TRIM48: variants seen among roughly 807,000 people sequenced by gnomAD.
The protein encoded by TRIM48 is tripartite motif containing 48, also known as E3 ubiquitin-protein ligase TRIM48.
TRIM48 carries 31 observed loss-of-function variants against 29.5 expected under a neutral mutation model. The observed-to-expected ratio is 1.05, with a 90% CI of 0.79 to 1.42. TRIM48 has a LOEUF of 1.42. Ranked by LOEUF, TRIM48 falls within the 40% of genes most tolerant of loss-of-function variation. TRIM48 has a pLI of 0.00. For synonymous variants in TRIM48, 128 were observed against 90.6 expected (o/e 1.41, Z -2.34); for missense variants, 344 against 265.0 (o/e 1.30, Z -2.07).
Position 55,269,617 on chromosome 11 carries a change from G to A in TRIM48, c.*1+278G>A, listed in dbSNP as rs187108270. The stretch of plus-strand genomic sequence containing the variant: ...TAGCAAATCTAAAAAAGGAGCAAAT[G>A]GAACAATGCTCAGAATGAAGGTGAG... On this transcript the variant is annotated intron_variant, in intron 5 of 5. Coordinates refer to ENST00000417545, the MANE Select transcript of TRIM48 (RefSeq NM_024114.5). Among the ~76,000 whole-genome samples the A allele has an allele frequency of 1.4e-3, 211 of 147,372 alleles. 21 individuals carry two copies. The highest frequency in any genetic ancestry group is 4.2e-3 in the African/African-American group (171 of 40,340).
At chr11:55,268,109 G>A (rs567813722) in intron 3 of TRIM48, among the ~76,000 whole-genome samples, 1 of 147,624 alleles carries the variant, frequency 6.8e-6, no homozygotes, top group East Asian at 2.2e-4. Flanking sequence ...TAGACTCTCT[G>A]GGCTTCTTCT....
Position 55,270,455 on chromosome 11 carries a change from A to G in TRIM48, c.*20A>G. 1.3e-6 allele frequency: 2 copies of G among 1,524,886 alleles called. No homozygotes were observed. Among genetic ancestry groups the G allele is most frequent in the East Asian group, 2.5e-5 (1 of 39,986 alleles). 94.5% of individuals were successfully genotyped at this position (1,524,886 alleles called of 1,614,324 possible). A position where few individuals can be genotyped will look rare whatever the true frequency, so the allele number is the denominator to read the frequency against. ...TTTGCAGTGGATATTACTCTGCATC[A>G]CAATGAAGCCAACAGTCATATCTTC... On this transcript the variant is annotated 3_prime_UTR_variant, in exon 6 of 6. Coordinates refer to ENST00000417545, the MANE Select transcript of TRIM48 (RefSeq NM_024114.5).
At chr11:55,265,743 A>T (rs780869728) in intron 3 of TRIM48, 48 bp downstream of exon 3, 1 of 1,524,948 alleles carries the variant, frequency 6.6e-7, no homozygotes, top group Non-Finnish European at 8.9e-7. Flanking sequence ...TGGTGGGCAA[A>T]TGGGTGACTC....
chr11:55,265,534 C>G, intron 2 of TRIM48, 66 bp from the exon 3 acceptor site: 1 of 1,540,376 alleles, frequency 6.5e-7, no homozygotes, highest in Admixed American at 1.8e-5. Flanking sequence ...GGCCCCCTCC[C>G]AATGAAACGG....
intron 1 of TRIM48, among the ~76,000 whole-genome samples, chr11:55,263,360 A>G (rs1166629715): frequency 6.6e-6 from 1 of 152,106 alleles, no homozygotes; most frequent in East Asian, 1.9e-4. Context: ...TCAAAACAAT[A>G]AAACAATAAA....
chr11:55,262,233 T>A lies in TRIM48; in HGVS notation c.-35T>A, dbSNP rs767664484. ...CTCTGAAACTCAGTACTGCAGCGAA[T>A]GAGCTCCTGACCTTGAGGAGTACTT... On this transcript the variant is annotated 5_prime_UTR_variant, in exon 1 of 6. The change abolishes an upstream ATG in the 5' untranslated region. Transcript: ENST00000417545. The A allele has an allele frequency of 2.0e-6, 3 of 1,535,200 alleles. No individual in the cohort carries two copies. Among genetic ancestry groups the A allele is most frequent in the Non-Finnish European group, 2.6e-6 (3 of 1,134,106 alleles).
At position 55,270,705 on chromosome 11, in the gene TRIM48, A is replaced by G; in HGVS notation, c.*270A>G. Reference sequence around the variant, plus strand: ...ATGGCAATATATATGGAGAGGAGGGACTCTTTAGTCTTGGGTGTGTTAAGA... The same window carrying G: ...ATGGCAATATATATGGAGAGGAGGGGCTCTTTAGTCTTGGGTGTGTTAAGA... On this transcript the variant is annotated 3_prime_UTR_variant, in exon 6 of 6. Coordinates refer to ENST00000417545, the MANE Select transcript of TRIM48 (RefSeq NM_024114.5). The G allele has an allele frequency of 6.4e-7, 1 of 1,567,042 alleles. No individual in the cohort carries two copies. Among genetic ancestry groups the G allele is most frequent in the Non-Finnish European group, 8.7e-7 (1 of 1,152,016 alleles).
chr11:55,269,327 A>C lies in TRIM48; in HGVS notation c.664A>C (p.Asn222His). The change falls in exon 5 of 6, where the codon AAC becomes CAC. Residue 222 changes from asparagine to histidine, a missense_variant. Transcript: ENST00000417545. The stretch of plus-strand genomic sequence containing the variant: ...CATCACTGGACTGAGGGACAGGCTC[A>C]ACCAATTCTGAGGTAAGTCTCCACC... ...GPITGLRDRL[N>H]QF 1 of 1,575,490 alleles carries C rather than the reference A, an allele frequency of 6.3e-7. No homozygotes were observed. The highest frequency in any genetic ancestry group is 8.6e-7 in the Non-Finnish European group (1 of 1,165,990).
chr11:55,268,188 T>C (rs1857421986), intron 3 of TRIM48, among the ~76,000 whole-genome samples, 162 bp from the exon 4 acceptor site: 1 of 147,430 alleles, frequency 6.8e-6, no homozygotes, highest in African/African-American at 2.5e-5. Context: ...GACAATATGA[T>C]TGACTGGGTT....
rs775740327 is a variant in TRIM48, at chr11:55,264,969, C to T, written c.114C>T (p.Phe38=). The T allele has an allele frequency of 2.5e-6, 4 of 1,584,492 alleles. No individual in the cohort carries two copies. The South Asian group carries it at 3.6e-5, about 14-fold the overall frequency. ...ELTCPICMNY[F]IDPVTIDCGH... ...CCTGCCCCATCTGCATGAACTACTT[C>T]ATAGACCCGGTCACCATAGACTGTG... is the stretch of plus-strand genomic sequence containing the variant. Residue 38 remains phenylalanine, a synonymous_variant, in exon 2 of 6, where the codon TTC becomes TTT. Transcript: ENST00000417545.
rs1857471234 is a variant in TRIM48 at position 55,270,721 on chromosome 11, T to G, written c.*286T>G. On this transcript the variant is annotated 3_prime_UTR_variant, in exon 6 of 6. Transcript: ENST00000417545. ...AGAGGAGGGACTCTTTAGTCTTGGG[T>G]GTGTTAAGAACGACATTCAGTGCAG... is the stretch of plus-strand genomic sequence containing the variant. 3.2e-6 allele frequency: 5 copies of G among 1,567,356 alleles called. 1 individual carries two copies. Among genetic ancestry groups the G allele is most frequent in the Non-Finnish European group, 8.7e-7 (1 of 1,151,548 alleles).
chr11:55,268,634 T>C (rs1857429481), intron 4 of TRIM48, among the ~76,000 whole-genome samples: 2 of 147,752 alleles, frequency 1.4e-5, no homozygotes, highest in South Asian at 4.9e-4. Flanking sequence ...AAAGATGAAG[T>C]TTTGTTTTGT....
At chr11:55,269,144 G>T (rs913288006) in intron 4 of TRIM48, 98 bp from the exon 5 acceptor site, 3 of 1,439,024 alleles carry the variant, frequency 2.1e-6, no homozygotes, top group South Asian at 2.7e-5. Context: ...CAAATTTGTG[G>T]GTTCAAAGGA....
intron 4 of TRIM48, among the ~76,000 whole-genome samples, 173 bp downstream of exon 4, chr11:55,268,545 T>A (rs1847529912): frequency 6.8e-6 from 1 of 147,516 alleles, no homozygotes; most frequent in Admixed American, 6.9e-5. Flanking sequence ...AATACATAAA[T>A]AAATAAATAG....
At position 55,270,971 on chromosome 11, in the gene TRIM48, G is replaced by A. The variant is rs1857477216; in HGVS notation, c.*536G>A. The A allele has an allele frequency of 2.6e-6, 4 of 1,534,720 alleles. 1 individual carries two copies. Among genetic ancestry groups the A allele is most frequent in the Non-Finnish European group, 3.5e-6 (4 of 1,135,990 alleles). Reference sequence around the variant, plus strand: ...AATCAGAAATGTGTTCATCTGCTGTGGGAACCCCTTTATCCCAGAAAGCCC... The same window carrying A: ...AATCAGAAATGTGTTCATCTGCTGTAGGAACCCCTTTATCCCAGAAAGCCC... On this transcript the variant is annotated 3_prime_UTR_variant, in exon 6 of 6. Coordinates refer to ENST00000417545, the MANE Select transcript of TRIM48 (RefSeq NM_024114.5).
chr11:55,268,001 A>G (rs1857419164), intron 3 of TRIM48, among the ~76,000 whole-genome samples: 1 of 147,864 alleles, frequency 6.8e-6, no homozygotes, highest in Admixed American at 6.9e-5. Context: ...AGTTTTGGGA[A>G]TCTAGGCTCA....
intron 1 of TRIM48, among the ~76,000 whole-genome samples, chr11:55,263,092 A>T (rs898994917): frequency 2.0e-5 from 3 of 152,206 alleles, no homozygotes; most frequent in African/African-American, 7.2e-5. Context: ...ATGTAGAGAT[A>T]CATTCATGAG....
Position 55,265,145 on chromosome 11 carries a change from G to A in TRIM48, c.290G>A (p.Ser97Asn), listed in dbSNP as rs1554966947. ...KKMASLARKA[S>N]LWLFLSSEEQ... ...ATGGCTTCCCTTGCCAGAAAAGCCAGTCTCTGGCTATTCCTGAGCTCTGAG... is the reference window on the plus strand; with the variant it reads ...ATGGCTTCCCTTGCCAGAAAAGCCAATCTCTGGCTATTCCTGAGCTCTGAG... The change falls in exon 2 of 6, where the codon AGT (serine) becomes AAT (asparagine). Residue 97 changes from serine (S) to asparagine (N), a missense_variant. By Grantham distance (46) the Ser-to-Asn change is conservative. Coordinates refer to ENST00000417545, the MANE Select transcript of TRIM48 (RefSeq NM_024114.5). 4 of 1,582,824 alleles carry A rather than the reference G, an allele frequency of 2.5e-6. No homozygotes were observed. Among genetic ancestry groups the A allele is most frequent in the South Asian group, 1.2e-5 (1 of 83,658 alleles).
chr11:55,270,761 C>G lies in TRIM48; in HGVS notation c.*326C>G. 3 of 1,569,108 alleles carry G rather than the reference C, an allele frequency of 1.9e-6. No homozygotes were observed. Among genetic ancestry groups the G allele is most frequent in the Admixed American group, 3.4e-5 (2 of 58,242 alleles). On this transcript the variant is annotated 3_prime_UTR_variant, in exon 6 of 6. Transcript: ENST00000417545. ...ATTCAGTGCAGTCTCTTTACCACCTCCCCAATTACACTGCAGTATGTCCCA... is the reference window on the plus strand; with the variant it reads ...ATTCAGTGCAGTCTCTTTACCACCTGCCCAATTACACTGCAGTATGTCCCA...
Sources: gnomAD v4.1 joint callset for allele counts (sites outside exome capture counted in the v4.1 genomes callset) on GRCh38, gnomAD v4.1.1 for gene constraint, MANE v1.5 for transcripts, NCBI Gene and HGNC (gene_info 2026-07-23, HGNC 2026-07-21) for gene names.